Variants in LRRC4C observed in about 807,000 individuals in gnomAD.
The protein encoded by LRRC4C is leucine rich repeat containing 4C.
LRRC4C carries 5 observed loss-of-function variants against 33.6 expected under a neutral mutation model. That is an observed-to-expected ratio of 0.15 (90% CI 0.08 to 0.31). LRRC4C has a LOEUF of 0.31. LRRC4C is among the 10% of genes least tolerant of loss of function. The probability of loss-of-function intolerance (pLI) is 1.00; values close to 1 mark genes in which losing one functional copy is unlikely to be tolerated. For missense variants in LRRC4C, 560 were observed against 796.7 expected (o/e 0.70, Z 3.58); for synonymous variants, 329 against 302.0 (o/e 1.09, Z -0.93).
At chr11:40,500,663 C>A (rs565055040) in intron 3 of LRRC4C, among the ~76,000 whole-genome samples, 5 of 151,930 alleles carry the variant, frequency 3.3e-5, no homozygotes, top group African/African-American at 9.7e-5. Flanking sequence ...GAAACTGCCC[C>A]GATAGTTCAA....
At chr11:40,876,142 A>ACTTTTAAG (rs964903559) in intron 2 of LRRC4C, among the ~76,000 whole-genome samples, 1 of 151,790 alleles carries the variant, frequency 6.6e-6, no homozygotes, top group African/African-American at 2.4e-5. Context: ...TCTCAAACAT[A>ACTTTTAAG]CTTTTAAGGC....
chr11:41,103,709 C>T (rs1196134413), intron 1 of LRRC4C, among the ~76,000 whole-genome samples: 1 of 151,896 alleles, frequency 6.6e-6, no homozygotes, highest in Non-Finnish European at 1.5e-5. Flanking sequence ...AGTTGTAGGA[C>T]TTACACTTCT....
chr11:41,105,584 G>T (rs1941449421), intron 1 of LRRC4C, among the ~76,000 whole-genome samples: 1 of 151,960 alleles, frequency 6.6e-6, no homozygotes, highest in African/African-American at 2.4e-5. Flanking sequence ...TCAAAGAAAG[G>T]CAATAGGAAC....
chr11:40,716,217 A>AAGAT (rs1244046189), intron 2 of LRRC4C, among the ~76,000 whole-genome samples: 1 of 152,200 alleles, frequency 6.6e-6, no homozygotes, highest in Non-Finnish European at 1.5e-5. Flanking sequence ...ACATTGGAGA[A>AAGAT]AGATAGGCAT....
intron 3 of LRRC4C, among the ~76,000 whole-genome samples, chr11:40,562,962 G>A (rs542198679): frequency 7.3e-6 from 1 of 137,240 alleles, no homozygotes; most frequent in South Asian, 2.3e-4. Flanking sequence ...TTTTTGTGAT[G>A]TCAGACTCAC....
chr11:41,355,930 G>A (rs1222769482), intron 1 of LRRC4C, among the ~76,000 whole-genome samples: 1 of 151,930 alleles, frequency 6.6e-6, no homozygotes, highest in Non-Finnish European at 1.5e-5. Context: ...CAACATTCAA[G>A]TATTTACATA....
chr11:40,796,635 C>CTTTTTTTTTTTTTTTTT (rs1188389556), intron 2 of LRRC4C, among the ~76,000 whole-genome samples: 11 of 104,906 alleles, frequency 1.0e-4, no homozygotes, highest in Non-Finnish European at 9.2e-5. Flanking sequence ...AAGCAGAACT[C>CTTTTTTTTTTTTTTTTT]TTTTTTTTTT....
chr11:41,289,099 C>T (rs1156477567), intron 1 of LRRC4C, among the ~76,000 whole-genome samples: 1 of 152,094 alleles, frequency 6.6e-6, no homozygotes. Flanking sequence ...AGTTCTCACC[C>T]ACATTCAAGG....
chr11:40,631,840 C>A (rs186329504), intron 3 of LRRC4C, among the ~76,000 whole-genome samples: 1 of 152,186 alleles, frequency 6.6e-6, no homozygotes, highest in East Asian at 1.9e-4. Flanking sequence ...TTTATTTGAG[C>A]TTTAGAAGCT....
intron 3 of LRRC4C, among the ~76,000 whole-genome samples, chr11:40,469,415 ACC>A (rs2138271174): frequency 6.6e-6 from 1 of 152,226 alleles, no homozygotes; most frequent in Admixed American, 6.5e-5. Flanking sequence ...AGGTGACTAT[ACC>A]ACCAGGGCCC....
intron 1 of LRRC4C, among the ~76,000 whole-genome samples, chr11:41,043,395 TAAATG>T (rs1416742284): frequency 7.2e-5 from 11 of 152,178 alleles, no homozygotes; most frequent in African/African-American, 2.7e-4. Flanking sequence ...ATTTAAAACT[TAAATG>T]AAACTTTACT....
At chr11:40,592,506 A>G (rs1177972200) in intron 3 of LRRC4C, among the ~76,000 whole-genome samples, 1 of 152,204 alleles carries the variant, frequency 6.6e-6, no homozygotes, top group African/African-American at 2.4e-5. Flanking sequence ...CAATCTAAGC[A>G]AAGCAAAGCA....
At position 40,661,074 on chromosome 11, in the gene LRRC4C, G is replaced by A. The variant is rs189784031; in HGVS notation, c.-406-12796C>T. On this transcript the variant is annotated intron_variant, in intron 2 of 6. Coordinates refer to ENST00000528697, the MANE Select transcript of LRRC4C (RefSeq NM_001258419.2). ...ACTTTTGACATAAACATACAATAAC[G>A]AATTGAATTATTAGAATTACCATGA... Among the ~76,000 whole-genome samples the A allele has an allele frequency of 1.4e-3, 207 of 152,088 alleles. 1 individual carries two copies. Among genetic ancestry groups the A allele is most frequent in the African/African-American group, 4.8e-3 (201 of 41,486 alleles).
At chr11:41,203,422 T>A (rs1340611062) in intron 1 of LRRC4C, among the ~76,000 whole-genome samples, 1 of 152,198 alleles carries the variant, frequency 6.6e-6, no homozygotes, top group East Asian at 1.9e-4. Flanking sequence ...AGCCTGAAAT[T>A]TTTCTTGGAA....
At chr11:40,216,995 T>G (rs1209266613) in intron 5 of LRRC4C, among the ~76,000 whole-genome samples, 1 of 152,184 alleles carries the variant, frequency 6.6e-6, no homozygotes, top group Non-Finnish European at 1.5e-5. Flanking sequence ...TTAAGCTCAT[T>G]AATAATGGTA....
At chr11:41,008,030 A>G (rs1854894401) in intron 1 of LRRC4C, among the ~76,000 whole-genome samples, 1 of 152,066 alleles carries the variant, frequency 6.6e-6, no homozygotes, top group Non-Finnish European at 1.5e-5. Context: ...TTCGTATTCC[A>G]ATATTCCATA....
intron 1 of LRRC4C, among the ~76,000 whole-genome samples, chr11:40,993,675 C>A (rs1315923151): frequency 6.6e-6 from 1 of 151,960 alleles, no homozygotes; most frequent in African/African-American, 2.4e-5. Flanking sequence ...CTTTTGACAT[C>A]TAATATTTCT....
intron 1 of LRRC4C, among the ~76,000 whole-genome samples, chr11:41,009,521 A>G (rs1344253322): frequency 6.6e-6 from 1 of 152,116 alleles, no homozygotes; most frequent in Admixed American, 6.6e-5. Context: ...GGCAAATCAT[A>G]TAGCCTATTG....
At chr11:40,672,359 T>C (rs1218523919) in intron 2 of LRRC4C, among the ~76,000 whole-genome samples, 1 of 152,148 alleles carries the variant, frequency 6.6e-6, no homozygotes, top group Non-Finnish European at 1.5e-5. Context: ...CCTAATACCA[T>C]CATCTTGGGA....
Sources: allele counts gnomAD v4.1 joint callset (sites outside exome capture counted in the v4.1 genomes callset), GRCh38; gene constraint gnomAD v4.1.1; transcripts MANE v1.5; gene names NCBI Gene and HGNC (gene_info 2026-07-23, HGNC 2026-07-21).